The following TET1 variants were observed in gnomAD, a reference collection of about 807,000 sequenced individuals.
TET1 encodes the protein tet methylcytosine dioxygenase 1.
In TET1, 13 loss-of-function variants were observed where a neutral mutation model predicts 148.7. The observed-to-expected ratio is 0.09, with a 90% CI of 0.06 to 0.14. The LOEUF is 0.14. Among genes scored for constraint, TET1 ranks in the 10% least tolerant of loss-of-function variants. The probability of loss-of-function intolerance (pLI) is 1.00; values close to 1 mark genes in which losing one functional copy is unlikely to be tolerated. For missense variants in TET1, 2,182 were observed against 2,553.8 expected, an observed-to-expected ratio of 0.85 and a Z score of 3.14; for synonymous variants, 907 against 937.2, an observed-to-expected ratio of 0.97 and a Z score of 0.59.
At chr10:68,641,122 T>C (rs1277278297) in intron 3 of TET1, among the ~76,000 whole-genome samples, 1 of 151,804 alleles carries the variant, frequency 6.6e-6, no homozygotes, top group Non-Finnish European at 1.5e-5. Context: ...TCTGACCCTT[T>C]ACAGAAAAGT....
intron 3 of TET1, among the ~76,000 whole-genome samples, chr10:68,607,248 T>C (rs1407345401): frequency 6.6e-6 from 1 of 152,108 alleles, no homozygotes; most frequent in Non-Finnish European, 1.5e-5. Flanking sequence ...CTTAGGCTCA[T>C]CTGGTACGTG....
chr10:68,624,652 C>CTT (rs1391991643), intron 3 of TET1, among the ~76,000 whole-genome samples: 6 of 57,720 alleles, frequency 1.0e-4, no homozygotes, highest in African/African-American at 3.2e-4. Context: ...TTCTTTCTTT[C>CTT]TTTCTTTCTC....
chr10:68,658,417 G>T (rs973154188), intron 6 of TET1, among the ~76,000 whole-genome samples: 3 of 152,040 alleles, frequency 2.0e-5, no homozygotes, highest in African/African-American at 7.2e-5. Flanking sequence ...GGGATTACAG[G>T]CGTGAGCCAC....
chr10:68,657,217 C>T (rs1386533901), intron 6 of TET1, among the ~76,000 whole-genome samples: 1 of 151,858 alleles, frequency 6.6e-6, no homozygotes, highest in Non-Finnish European at 1.5e-5. Context: ...CGCTCTGTCG[C>T]CCAGGCTGGA....
intron 6 of TET1, among the ~76,000 whole-genome samples, chr10:68,664,764 G>T (rs993886667): frequency 1.5e-5 from 2 of 134,244 alleles, no homozygotes; most frequent in African/African-American, 2.8e-5. Context: ...CCTCCTGCTT[G>T]CCTTCTTTAT....
chr10:68,680,667 C>T (rs1205938417), intron 8 of TET1, among the ~76,000 whole-genome samples: 3 of 152,116 alleles, frequency 2.0e-5, no homozygotes, highest in Non-Finnish European at 1.5e-5. Flanking sequence ...TGATAGTTTT[C>T]CTTTGAAAAA....
intron 3 of TET1, among the ~76,000 whole-genome samples, chr10:68,626,552 A>G (rs894062596): frequency 5.3e-5 from 8 of 151,054 alleles, no homozygotes; most frequent in Non-Finnish European, 1.0e-4. Flanking sequence ...TTATTACTTT[A>G]TTATTATTAT....
intron 2 of TET1, among the ~76,000 whole-genome samples, chr10:68,595,780 G>T (rs2053971442): frequency 6.8e-6 from 1 of 147,586 alleles, no homozygotes. Flanking sequence ...ACCAGGTCTG[G>T]CTAATTTTTG....
At chr10:68,600,211 C>G (rs2054035924) in intron 2 of TET1, among the ~76,000 whole-genome samples, 1 of 152,090 alleles carries the variant, frequency 6.6e-6, no homozygotes, top group Non-Finnish European at 1.5e-5. Flanking sequence ...CCAAATGCCC[C>G]CCTAGGCTCA....
chr10:68,647,239 T>C (rs957215941), intron 4 of TET1, among the ~76,000 whole-genome samples: 2 of 152,146 alleles, frequency 1.3e-5, no homozygotes, highest in Non-Finnish European at 2.9e-5. Context: ...GTAAACCCGC[T>C]CAAGTGGAAA....
intron 2 of TET1, among the ~76,000 whole-genome samples, chr10:68,580,313 A>ATT (rs1163318028): frequency 0.26 from 15,596 of 60,568 alleles, 3,562 homozygotes; most frequent in Middle Eastern, 0.33. Flanking sequence ...ATTATATTCA[A>ATT]TTTTTTTTTT....
intron 8 of TET1, among the ~76,000 whole-genome samples, chr10:68,676,157 T>TTGTGTGTGTGTGTGTGTGTGTGTG (rs112413582): frequency 1.5e-5 from 2 of 129,194 alleles, no homozygotes; most frequent in African/African-American, 5.9e-5. Flanking sequence ...ACCTGGCCTT[T>TTGTGTGTGTGTGTGTGTGTGTGTG]TGTGTGTGTG....
chr10:68,622,592 C>A (rs1589084228), intron 3 of TET1, among the ~76,000 whole-genome samples: 1 of 152,080 alleles, frequency 6.6e-6, no homozygotes, highest in Middle Eastern at 3.4e-3. Flanking sequence ...TGTCATTTCT[C>A]CTTGATCTCC....
chr10:68,619,571 T>C (rs1032762351), intron 3 of TET1, among the ~76,000 whole-genome samples: 1 of 152,128 alleles, frequency 6.6e-6, no homozygotes, highest in African/African-American at 2.4e-5. Context: ...TTATTGTAAA[T>C]TGACAAACAA....
intron 2 of TET1, among the ~76,000 whole-genome samples, chr10:68,597,030 A>ATTTTTTTTTTTGTTTTTTTTTTTTTTTT: frequency 1.0e-5 from 1 of 98,894 alleles, no homozygotes; most frequent in South Asian, 3.7e-4. Flanking sequence ...CAGCTAATGG[A>ATTTTTTTTTTTGTTTTTTTTTTTTTTTT]TTTTTTTTTT....
chr10:68,680,595 G>A (rs146406521), intron 8 of TET1, among the ~76,000 whole-genome samples: 32 of 152,112 alleles, frequency 2.1e-4, no homozygotes, highest in Non-Finnish European at 3.2e-4. Flanking sequence ...TGATCTGCCC[G>A]CCTCGGCCTC....
chr10:68,687,798 A>G (rs562401775), intron 11 of TET1, among the ~76,000 whole-genome samples: 98 of 152,236 alleles, frequency 6.4e-4, no homozygotes, highest in Non-Finnish European at 8.5e-4. Flanking sequence ...CCTGTTTGCC[A>G]GGCTGATCTG....
intron 3 of TET1, chr10:68,632,690 A>C: frequency 6.2e-7 from 1 of 1,609,352 alleles, no homozygotes; most frequent in Non-Finnish European, 8.5e-7. Flanking sequence ...ACCCACCTCG[A>C]TCCTGAAAGA....
At chr10:68,607,421 GT>G (rs950422272) in intron 3 of TET1, among the ~76,000 whole-genome samples, 2 of 141,750 alleles carry the variant, frequency 1.4e-5, no homozygotes, top group Non-Finnish European at 3.1e-5. Context: ...TTTTTTTTTT[GT>G]TTTTTTTGTT....
Sources: gnomAD v4.1 joint callset for allele counts (sites outside exome capture counted in the v4.1 genomes callset) on GRCh38, gnomAD v4.1.1 for gene constraint, MANE v1.5 for transcripts, NCBI Gene and HGNC (gene_info 2026-07-23, HGNC 2026-07-21) for gene names.